The following AK9 variants were observed in gnomAD, a reference collection of about 807,000 sequenced individuals.
The protein encoded by AK9 is adenylate kinase domain containing 1.
A neutral mutation model predicts 239.6 loss-of-function variants in AK9; 191 were observed. That is an observed-to-expected ratio of 0.80 (90% CI 0.71 to 0.90). The LOEUF is 0.90. AK9 is among the 40% of genes least tolerant of loss of function. The pLI is 0.00. For missense variants in AK9, 1,995 were observed against 2,214.7 expected (o/e 0.90, Z 1.99); for synonymous variants, 689 against 721.0 (o/e 0.96, Z 0.71).
chr6:109,563,451 G>A, intron 24 of AK9, 146 bp downstream of exon 24: 2 of 1,251,848 alleles, frequency 1.6e-6, no homozygotes, highest in East Asian at 2.8e-5. Flanking sequence ...TTTCAGGGGG[G>A]TCAAGTGAAG....
intron 8 of AK9, among the ~76,000 whole-genome samples, chr6:109,653,907 T>G (rs2128307876): frequency 6.6e-6 from 1 of 152,328 alleles, no homozygotes; most frequent in East Asian, 1.9e-4. Context: ...GTTTTTATTT[T>G]TAATACAAAA....
chr6:109,501,429 A>G (rs12198938), intron 35 of AK9, among the ~76,000 whole-genome samples: 52,520 of 152,028 alleles, frequency 0.35, 9,542 homozygotes, highest in South Asian at 0.44. Flanking sequence ...CCATTATGCA[A>G]TCTCTCCACA....
chr6:109,612,020 A>G lies in AK9; in HGVS notation c.1683T>C (p.Tyr561=), dbSNP rs1379574071. The G allele has an allele frequency of 6.6e-7, 1 of 1,522,218 alleles. No individual in the cohort carries two copies. The highest frequency in any genetic ancestry group is 2.1e-5 in the Admixed American group (1 of 46,776). 94.3% of individuals were successfully genotyped at this position (1,522,218 alleles called of 1,614,324 possible). A position where few individuals can be genotyped will look rare whatever the true frequency, so the allele number is the denominator to read the frequency against. Residue 561 remains tyrosine (Y), a synonymous_variant, in exon 16 of 41, where the codon TAT becomes TAC. Coordinates refer to ENST00000424296, the MANE Select transcript of AK9 (RefSeq NM_001145128.3). The part of the protein sequence containing the change: ...SQDASQDVKL[Y]SDTAPTEDLI... ...CAAATATTAATTTACCTGTATCTGA[A>G]TACAACTTTACATCTTGACTAGCAT... is the stretch of plus-strand genomic sequence containing the variant.
At chr6:109,662,437 G>C (rs1307414125) in intron 6 of AK9, 114 bp downstream of exon 6, 3 of 849,916 alleles carry the variant, frequency 3.5e-6, no homozygotes, top group Non-Finnish European at 4.7e-6. Context: ...TCCTGTGATT[G>C]ATGCATAAGT....
intron 36 of AK9, 88 bp from the exon 37 acceptor site, chr6:109,498,053 C>A: frequency 7.6e-7 from 1 of 1,321,230 alleles, no homozygotes; most frequent in Non-Finnish European, 1.1e-6. Context: ...CTGCACCCTC[C>A]CCATTTTCAG....
Position 109,547,528 on chromosome 6 carries a change from T to C in AK9, c.2965-1401A>G, listed in dbSNP as rs540983249. Among the ~76,000 whole-genome samples the C allele has an allele frequency of 2.6e-5, 4 of 152,304 alleles. No homozygotes were observed. The East Asian group carries it at 5.8e-4, about 22-fold the overall frequency. On this transcript the variant is annotated intron_variant, in intron 25 of 40. Transcript: ENST00000424296. ...TGAAACTAGATCCTCATCTTTCACC[T>C]ATACAGAAATCAACTCAAAATGGAT...
intron 10 of AK9, among the ~76,000 whole-genome samples, chr6:109,639,498 TG>T (rs1333640223): frequency 2.1e-4 from 31 of 146,876 alleles, no homozygotes; most frequent in African/African-American, 7.0e-4. Flanking sequence ...TTGATGGGGT[TG>T]TTTTTTTCTT....
At chr6:109,599,498 T>A (rs1238100259) in intron 17 of AK9, among the ~76,000 whole-genome samples, 1 of 152,248 alleles carries the variant, frequency 6.6e-6, no homozygotes, top group Non-Finnish European at 1.5e-5. Context: ...TAGTTTGAAG[T>A]CAGGTAGCAT....
intron 25 of AK9, among the ~76,000 whole-genome samples, chr6:109,549,168 A>T (rs540916159): frequency 5.9e-5 from 9 of 152,196 alleles, no homozygotes; most frequent in Non-Finnish European, 1.3e-4. Flanking sequence ...AACAATAGCC[A>T]CTCAAACAAT....
intron 8 of AK9, among the ~76,000 whole-genome samples, chr6:109,647,654 C>A (rs1284329870): frequency 2.6e-5 from 4 of 151,988 alleles, no homozygotes; most frequent in Admixed American, 6.6e-5. Context: ...ACTTTAACAC[C>A]CCACTGTCAA....
intron 17 of AK9, among the ~76,000 whole-genome samples, chr6:109,594,921 A>C (rs1020057798): frequency 3.9e-5 from 6 of 152,186 alleles, no homozygotes; most frequent in Non-Finnish European, 5.9e-5. Flanking sequence ...AGAAAACCTA[A>C]GCAATACCAT....
chr6:109,590,667 A>AT (rs1434765912), intron 17 of AK9, among the ~76,000 whole-genome samples: 1 of 152,150 alleles, frequency 6.6e-6, no homozygotes, highest in East Asian at 1.9e-4. Flanking sequence ...AACACTATAA[A>AT]ATTGCCTCTT....
chr6:109,499,643 A>C (rs1295141137), intron 35 of AK9, among the ~76,000 whole-genome samples: 1 of 152,014 alleles, frequency 6.6e-6, no homozygotes, highest in Non-Finnish European at 1.5e-5. Context: ...TCTGTCACCC[A>C]GGCTGGAGTG....
At chr6:109,565,345 C>T (rs1236749570) in intron 21 of AK9, among the ~76,000 whole-genome samples, 1 of 152,038 alleles carries the variant, frequency 6.6e-6, no homozygotes, top group Admixed American at 6.6e-5. Flanking sequence ...CATGGTGGCT[C>T]ACACCTGTGG....
chr6:109,671,961 G>C lies in AK9; in HGVS notation c.289C>G (p.Leu97Val), dbSNP rs529854860. The C allele has an allele frequency of 3.5e-5, 57 of 1,613,988 alleles. No homozygotes were observed. The East Asian group carries it at 1.0e-3, about 29-fold the overall frequency. ...QSIPDELVIKLMLEKLNSPEV... is the reference protein window; with the variant it reads ...QSIPDELVIKVMLEKLNSPEV... ...GGGGAGTTGAGCTTCTCCAACATTAGCTTTATGACAAGTTCATCTGGAATG... is the reference window on the plus strand; with the variant it reads ...GGGGAGTTGAGCTTCTCCAACATTACCTTTATGACAAGTTCATCTGGAATG... The change falls in exon 5 of 41, where the codon CTA becomes GTA. Residue 97 changes from leucine (L) to valine (V), a missense_variant. Transcript: ENST00000424296.
intron 24 of AK9, among the ~76,000 whole-genome samples, chr6:109,559,367 C>T (rs1785447121): frequency 6.6e-6 from 1 of 152,064 alleles, no homozygotes; most frequent in Non-Finnish European, 1.5e-5. Context: ...TGGGGTTTCA[C>T]CGTGTTAGCC....
chr6:109,684,758 C>T (rs1308086445), intron 1 of AK9, among the ~76,000 whole-genome samples: 12 of 141,404 alleles, frequency 8.5e-5, no homozygotes, highest in Non-Finnish European at 1.4e-4. Context: ...CCTGTAGTCC[C>T]AGCTACTTGG....
Position 109,494,051 on chromosome 6 carries a change from G to A in AK9, c.5463C>T (p.Cys1821=), listed in dbSNP as rs771253648. 3.1e-6 allele frequency: 5 copies of A among 1,613,566 alleles called. No individual in the cohort carries two copies. The highest frequency in any genetic ancestry group is 4.2e-6 in the Non-Finnish European group (5 of 1,179,660). ...SLIKAMNAAG[C]LKPKFPFLSI... ...TTAAAAAGGGGAACTTGGGCTTTAA[G>A]CATCCCGCTGCATTCATTGCTTTAA... The change falls in exon 40 of 41, where the codon TGC becomes TGT. Residue 1821 remains cysteine, a synonymous_variant. Transcript: ENST00000424296.
At chr6:109,683,751 G>A (rs369567768) in intron 1 of AK9, among the ~76,000 whole-genome samples, 2 of 152,272 alleles carry the variant, frequency 1.3e-5, no homozygotes, top group East Asian at 1.9e-4. Flanking sequence ...AATAGGAGAG[G>A]ACACAAACAA....
Sources: gnomAD v4.1 joint callset for allele counts (sites outside exome capture counted in the v4.1 genomes callset) on GRCh38, gnomAD v4.1.1 for gene constraint, MANE v1.5 for transcripts, NCBI Gene and HGNC (gene_info 2026-07-23, HGNC 2026-07-21) for gene names.